FMN2: variants seen among roughly 807,000 people sequenced by gnomAD.
FMN2 encodes the protein formin-2.
FMN2 carries 51 observed loss-of-function variants against 142.3 expected under a neutral mutation model. The ratio of observed to expected loss-of-function variants is 0.36; its 90% CI spans 0.29 to 0.45. The LOEUF is 0.45. Ranked by LOEUF, FMN2 falls within the 20% of genes least tolerant of loss-of-function variation. The pLI, the probability that FMN2 is intolerant of heterozygous loss-of-function variation, is 1.00. For synonymous variants in FMN2, 882 were observed against 869.8 expected, an observed-to-expected ratio of 1.01 and a Z score of -0.25; for missense variants, 1,936 against 2,122.8, an observed-to-expected ratio of 0.91 and a Z score of 1.73.
intron 14 of FMN2, among the ~76,000 whole-genome samples, chr1:240,373,281 T>C (rs528960965): frequency 6.6e-6 from 1 of 152,184 alleles, no homozygotes; most frequent in South Asian, 2.1e-4. Flanking sequence ...AGCTGCTCGC[T>C]GACAGGTCAG....
At chr1:240,349,352 T>C (rs12404762) in intron 13 of FMN2, among the ~76,000 whole-genome samples, 28,757 of 152,198 alleles carry the variant, frequency 0.19, 3,400 homozygotes, top group African/African-American at 0.33. Context: ...GTATCTGTTA[T>C]GTGACTTCCT....
intron 3 of FMN2, among the ~76,000 whole-genome samples, chr1:240,183,992 G>T (rs1445905704): frequency 6.6e-6 from 1 of 152,120 alleles, no homozygotes; most frequent in East Asian, 1.9e-4. Context: ...GGCATATTTT[G>T]TATGTATATT....
chr1:240,389,543 T>A (rs1464638228), intron 14 of FMN2, among the ~76,000 whole-genome samples: 1 of 152,196 alleles, frequency 6.6e-6, no homozygotes, highest in African/African-American at 2.4e-5. Flanking sequence ...TTCCAAATGA[T>A]ATCTTAATTT....
intron 7 of FMN2, among the ~76,000 whole-genome samples, chr1:240,265,069 G>A (rs1668754633): frequency 1.3e-5 from 2 of 152,110 alleles, no homozygotes; most frequent in Admixed American, 6.6e-5. Flanking sequence ...GCTTGTTACT[G>A]AATGAAGCAT....
intron 15 of FMN2, among the ~76,000 whole-genome samples, chr1:240,398,360 G>C (rs1673859773): frequency 6.6e-6 from 1 of 152,086 alleles, no homozygotes; most frequent in Admixed American, 6.6e-5. Flanking sequence ...TTCTTGGCTT[G>C]ATATAAAATA....
chr1:240,159,927 A>ATATC (rs1664200228), intron 2 of FMN2, among the ~76,000 whole-genome samples: 4 of 87,966 alleles, frequency 4.5e-5, no homozygotes, highest in Admixed American at 4.4e-4. Flanking sequence ...ATATATATAT[A>ATATC]TATATTTGTG....
chr1:240,170,815 G>C, intron 2 of FMN2: 2 of 880,178 alleles, frequency 2.3e-6, no homozygotes, highest in East Asian at 2.4e-5. Context: ...AGTGGCTGGT[G>C]CATCCCGGAT....
chr1:240,328,147 C>CAAAAAAAAA (rs780595882), intron 8 of FMN2, among the ~76,000 whole-genome samples: 29 of 51,430 alleles, frequency 5.6e-4, no homozygotes, highest in East Asian at 1.3e-3. Flanking sequence ...GACCCCATCT[C>CAAAAAAAAA]AAAAAAAAAA....
At chr1:240,460,134 C>T (rs540763760) in intron 16 of FMN2, among the ~76,000 whole-genome samples, 1 of 152,276 alleles carries the variant, frequency 6.6e-6, no homozygotes, top group African/African-American at 2.4e-5. Flanking sequence ...AACGCTATAG[C>T]CCACTGTGTT....
chr1:240,165,679 C>T (rs1677969381), intron 2 of FMN2, among the ~76,000 whole-genome samples: 1 of 149,906 alleles, frequency 6.7e-6, no homozygotes, highest in African/African-American at 2.5e-5. Context: ...TTGATCTCAT[C>T]TTTTCCCAGA....
intron 2 of FMN2, among the ~76,000 whole-genome samples, chr1:240,152,915 G>A (rs1015331581): frequency 8.5e-5 from 13 of 152,186 alleles, no homozygotes; most frequent in Non-Finnish European, 1.5e-5. Flanking sequence ...CAGAGGCCCA[G>A]TCTGAGTTGT....
chr1:240,156,156 C>T (rs7555180), intron 2 of FMN2, among the ~76,000 whole-genome samples: 6,079 of 152,058 alleles, frequency 0.04, 401 homozygotes, highest in African/African-American at 0.14. Context: ...AAGGCTGAAG[C>T]GGGAGGATCA....
intron 4 of FMN2, among the ~76,000 whole-genome samples, chr1:240,200,879 T>C (rs1434309446): frequency 2.6e-5 from 4 of 152,190 alleles, no homozygotes; most frequent in African/African-American, 9.7e-5. Flanking sequence ...ATCTTTGCAG[T>C]CTGTTATCAT....
chr1:240,348,932 A>G (rs988175119), intron 13 of FMN2, among the ~76,000 whole-genome samples: 2 of 152,152 alleles, frequency 1.3e-5, no homozygotes. Context: ...GTGTCCGGTC[A>G]CTAGCTCTGT....
intron 15 of FMN2, among the ~76,000 whole-genome samples, chr1:240,405,210 A>T (rs1281942585): frequency 1.3e-5 from 2 of 152,192 alleles, no homozygotes; most frequent in Non-Finnish European, 2.9e-5. Flanking sequence ...AAGTAGGGCA[A>T]GGGCTGGAGA....
In FMN2 at chr1:240,207,130, C is replaced by G. The variant is rs1465172109; in HGVS notation, c.2318C>G (p.Ala773Gly). The change falls in exon 5 of 18, where the codon GCT becomes GGT. Residue 773 changes from alanine (A) to glycine (G), a missense_variant. By Grantham distance (60) the Ala-to-Gly change is moderately conservative. Transcript: ENST00000319653. ...GGGCGTCCTCCATGCCCCCCTGGGG[C>G]TGAAAGTGGACCTCAGACAAAGTTC... ...LPGRPPCPPGAESGPQTKFCS... is the reference protein window; with the variant it reads ...LPGRPPCPPGGESGPQTKFCS... 5.6e-6 allele frequency: 9 copies of G among 1,614,098 alleles called. No individual in the cohort carries two copies. The highest frequency in any genetic ancestry group is 6.8e-6 in the Non-Finnish European group (8 of 1,179,988).
intron 8 of FMN2, among the ~76,000 whole-genome samples, chr1:240,320,086 G>A (rs1253828015): frequency 6.6e-6 from 1 of 152,146 alleles, no homozygotes; most frequent in Non-Finnish European, 1.5e-5. Flanking sequence ...GCAGCAACTG[G>A]GGTGTGTTTC....
intron 13 of FMN2, chr1:240,341,264 G>T (rs556294640): frequency 6.6e-6 from 1 of 151,852 alleles, no homozygotes; most frequent in South Asian, 2.1e-4. Flanking sequence ...ATTGATATTT[G>T]TAAAAATATA....
At chr1:240,252,953 C>CCTTTTTTTTTTTTT (rs1668326347) in intron 6 of FMN2, among the ~76,000 whole-genome samples, 1 of 65,344 alleles carries the variant, frequency 1.5e-5, no homozygotes, top group Admixed American at 2.4e-4. Context: ...GTCTTGTTCA[C>CCTTTTTTTTTTTTT]TTTTTTTTTT....
Sources: allele counts gnomAD v4.1 joint callset (sites outside exome capture counted in the v4.1 genomes callset), GRCh38; gene constraint gnomAD v4.1.1; transcripts MANE v1.5; gene names NCBI Gene and HGNC (gene_info 2026-07-23, HGNC 2026-07-21).